The following MCPH1 variants were observed in gnomAD, a reference collection of about 807,000 sequenced individuals.
MCPH1 encodes microcephalin.
Under a neutral mutation model 84.5 loss-of-function variants are expected in MCPH1, and 104 were observed. The observed-to-expected ratio is 1.23, with a 90% confidence interval of 1.05 to 1.45. The LOEUF (loss-of-function observed/expected upper bound fraction) is 1.45. Among genes scored for constraint, MCPH1 ranks in the 40% most tolerant of loss-of-function variants. The pLI is 0.00. For synonymous variants in MCPH1, 514 were observed against 366.8 expected, an observed-to-expected ratio of 1.40 and a Z score of -4.58; for missense variants, 1,498 against 1,005.7, an observed-to-expected ratio of 1.49 and a Z score of -6.62.
chr8:6,605,886 T>C (rs1291579117), intron 12 of MCPH1, among the ~76,000 whole-genome samples: 1 of 152,078 alleles, frequency 6.6e-6, no homozygotes, highest in Non-Finnish European at 1.5e-5. Context: ...TTAGTAAAGA[T>C]GGGTTTCTCC....
chr8:6,548,191 C>T (rs1455918346), intron 12 of MCPH1, among the ~76,000 whole-genome samples: 1 of 152,100 alleles, frequency 6.6e-6, no homozygotes, highest in Non-Finnish European at 1.5e-5. Flanking sequence ...TGAGGCGGCA[C>T]GCTTTGACTT....
intron 12 of MCPH1, among the ~76,000 whole-genome samples, chr8:6,614,087 T>C (rs138512771): frequency 2.6e-4 from 39 of 152,244 alleles, no homozygotes; most frequent in Non-Finnish European, 4.6e-4. Flanking sequence ...CAGGCCACAT[T>C]GTCACGTGTA....
chr8:6,494,585 C>T (rs563283553), intron 11 of MCPH1: 1 of 152,236 alleles, frequency 6.6e-6, no homozygotes, highest in Non-Finnish European at 1.5e-5. Flanking sequence ...TGATCACTAG[C>T]CTTCATTAAA....
rs374077665 is a variant in MCPH1 at position 6,576,612 on chromosome 8, A to T, written c.2215-44842A>T. Among the ~76,000 whole-genome samples, 3 of 137,256 alleles carry T rather than the reference A, an allele frequency of 2.2e-5. No individual in the cohort carries two copies. In the East Asian group the frequency reaches 7.3e-4, roughly 33 times the overall value. The allele number at this position is 137,256 out of a possible 152,430, so 90.0% of individuals were successfully genotyped here. On this transcript the variant is annotated intron_variant, in intron 12 of 13. Transcript: ENST00000344683. ...CAATCTCCACCTCCCGGGTCAAGCG[A>T]TTCTTCTGCCTCAGCCTTCTGAGTA...
chr8:6,447,062 G>A, intron 8 of MCPH1: 4 of 985,460 alleles, frequency 4.1e-6, no homozygotes, highest in Non-Finnish European at 4.8e-6. Flanking sequence ...GCTAGTGCGA[G>A]AGGATCTTCT....
At chr8:6,418,031 G>A (rs7002509) in intron 3 of MCPH1, among the ~76,000 whole-genome samples, 39,379 of 152,126 alleles carry the variant, frequency 0.26, 6,042 homozygotes, top group African/African-American at 0.43. Context: ...AGCCTCAGGT[G>A]CAGGCTGATT....
intron 3 of MCPH1, among the ~76,000 whole-genome samples, chr8:6,424,424 C>G (rs1800742151): frequency 6.6e-6 from 1 of 152,198 alleles, no homozygotes; most frequent in Non-Finnish European, 1.5e-5. Context: ...ATAACCACAA[C>G]ACAGGCCGAC....
intron 12 of MCPH1, among the ~76,000 whole-genome samples, chr8:6,608,556 G>A (rs1829979893): frequency 6.6e-6 from 1 of 152,198 alleles, no homozygotes. Context: ...ACTGACAGAT[G>A]TAAGATTATT....
intron 12 of MCPH1, among the ~76,000 whole-genome samples, chr8:6,548,698 C>A (rs897207977): frequency 2.0e-5 from 3 of 152,172 alleles, no homozygotes; most frequent in African/African-American, 7.2e-5. Context: ...TCCTCGTGCT[C>A]ACAGAAGCAA....
chr8:6,502,544 A>C (rs1563299129), intron 12 of MCPH1: 1 of 152,234 alleles, frequency 6.6e-6, no homozygotes, highest in Admixed American at 6.5e-5. Flanking sequence ...GATGGAGTAA[A>C]AATGCACTAA....
At chr8:6,446,796 C>G (rs1277725389) in intron 8 of MCPH1, 1 of 984,158 alleles carries the variant, frequency 1.0e-6, no homozygotes. Flanking sequence ...TGGTAGCAAA[C>G]AGTGTGGCAT....
At chr8:6,533,993 T>G (rs1820022186) in intron 12 of MCPH1, among the ~76,000 whole-genome samples, 1 of 152,160 alleles carries the variant, frequency 6.6e-6, no homozygotes, top group Non-Finnish European at 1.5e-5. Context: ...AGTTTCCTGT[T>G]TCCGATGCCC....
intron 12 of MCPH1, among the ~76,000 whole-genome samples, chr8:6,506,999 G>T (rs1423689269): frequency 6.6e-6 from 1 of 152,028 alleles, no homozygotes; most frequent in African/African-American, 2.4e-5. Context: ...CCCGGTTCAA[G>T]AGATTTTCCT....
Position 6,472,508 on chromosome 8 carries a change from C to G in MCPH1, c.1936-5086C>G, listed in dbSNP as rs555068716. ...TGAGATGGAGACTCACTCTGTCGCC[C>G]AGGCTGGAGTGCATTGGCCCGATCT... On this transcript the variant is annotated intron_variant, in intron 9 of 13. Transcript: ENST00000344683. Among the ~76,000 whole-genome samples, 625 of 152,216 alleles carry G rather than the reference C, an allele frequency of 4.1e-3. 8 individuals carry two copies. Among genetic ancestry groups the G allele is most frequent in the African/African-American group, 0.014 (601 of 41,534 alleles).
At chr8:6,506,412 C>G (rs917329386) in intron 12 of MCPH1, among the ~76,000 whole-genome samples, 17 of 151,992 alleles carry the variant, frequency 1.1e-4, no homozygotes, top group African/African-American at 4.1e-4. Flanking sequence ...ATTCTCAGTC[C>G]CTAAATCTTG....
chr8:6,428,912 A>G (rs375001782), intron 3 of MCPH1, among the ~76,000 whole-genome samples: 1,538 of 68,678 alleles, frequency 0.022, 12 homozygotes, highest in Middle Eastern at 0.046. Context: ...TGACCTCCAT[A>G]TTTCTAAATA....
chr8:6,429,186 A>C (rs1801483337), intron 3 of MCPH1, among the ~76,000 whole-genome samples: 1 of 152,222 alleles, frequency 6.6e-6, no homozygotes, highest in Non-Finnish European at 1.5e-5. Flanking sequence ...TGAATCTCAG[A>C]GTGAACCATG....
intron 1 of MCPH1, among the ~76,000 whole-genome samples, chr8:6,408,923 T>G (rs1798136544): frequency 6.6e-6 from 1 of 150,466 alleles, no homozygotes; most frequent in Non-Finnish European, 1.5e-5. Flanking sequence ...TCTCGCCCTG[T>G]CACCCAGGCT....
chr8:6,577,946 TG>T (rs35948047), intron 12 of MCPH1, among the ~76,000 whole-genome samples: 1 of 152,178 alleles, frequency 6.6e-6, no homozygotes, highest in South Asian at 2.1e-4. Context: ...GGAGTGTCTG[TG>T]GGGGTAGGTC....
Sources: gnomAD v4.1 joint callset for allele counts (sites outside exome capture counted in the v4.1 genomes callset) on GRCh38, gnomAD v4.1.1 for gene constraint, MANE v1.5 for transcripts, NCBI Gene and HGNC (gene_info 2026-07-23, HGNC 2026-07-21) for gene names.